Variants in LRRC4C observed in about 807,000 individuals in gnomAD.
LRRC4C encodes leucine-rich repeat-containing protein 4C.
In LRRC4C, 5 loss-of-function variants were observed where a neutral mutation model predicts 33.6. The ratio of observed to expected loss-of-function variants is 0.15; its 90% CI spans 0.08 to 0.31. LRRC4C has a LOEUF of 0.31. LRRC4C is among the 10% of genes least tolerant of loss of function. The pLI, the probability that LRRC4C is intolerant of heterozygous loss-of-function variation, is 1.00. For missense variants in LRRC4C, 560 were observed against 796.7 expected, an observed-to-expected ratio of 0.70 and a Z score of 3.58; for synonymous variants, 329 against 302.0, an observed-to-expected ratio of 1.09 and a Z score of -0.93.
chr11:40,290,271 G>A (rs1287985005), intron 4 of LRRC4C, among the ~76,000 whole-genome samples: 2 of 152,062 alleles, frequency 1.3e-5, no homozygotes, highest in African/African-American at 2.4e-5. Flanking sequence ...CTGTGGTAAC[G>A]TAAAACAAAG....
At chr11:40,547,056 C>T (rs1207024467) in intron 3 of LRRC4C, among the ~76,000 whole-genome samples, 4 of 152,110 alleles carry the variant, frequency 2.6e-5, no homozygotes, top group African/African-American at 4.8e-5. Flanking sequence ...CCAGCCTTAA[C>T]GTAGTGTTCT....
At chr11:40,990,821 A>G (rs1022257456) in intron 1 of LRRC4C, among the ~76,000 whole-genome samples, 1 of 152,180 alleles carries the variant, frequency 6.6e-6, no homozygotes, top group African/African-American at 2.4e-5. Context: ...CAATTTGATT[A>G]AAGTTTGACC....
intron 4 of LRRC4C, among the ~76,000 whole-genome samples, chr11:40,259,320 C>A (rs1810869822): frequency 6.6e-6 from 1 of 151,844 alleles, no homozygotes; most frequent in Admixed American, 6.6e-5. Context: ...AGCCCTTTGT[C>A]AGATGAGTAG....
intron 2 of LRRC4C, among the ~76,000 whole-genome samples, chr11:40,753,303 A>G (rs1565016736): frequency 6.6e-6 from 1 of 152,042 alleles, no homozygotes; most frequent in Non-Finnish European, 1.5e-5. Context: ...GAACACATCA[A>G]AATGATAAAT....
chr11:40,556,133 A>G (rs953619434), intron 3 of LRRC4C, among the ~76,000 whole-genome samples: 1 of 152,242 alleles, frequency 6.6e-6, no homozygotes, highest in East Asian at 1.9e-4. Flanking sequence ...AAAGAAAACA[A>G]TAAAACAGAG....
At chr11:40,915,081 G>A (rs1956886349) in intron 2 of LRRC4C, among the ~76,000 whole-genome samples, 1 of 152,092 alleles carries the variant, frequency 6.6e-6, no homozygotes, top group African/African-American at 2.4e-5. Context: ...CCATGCTCAT[G>A]GGTAGGAAGA....
At chr11:41,081,931 C>T (rs1227472730) in intron 1 of LRRC4C, among the ~76,000 whole-genome samples, 9 of 152,062 alleles carry the variant, frequency 5.9e-5, no homozygotes, top group Non-Finnish European at 7.4e-5. Flanking sequence ...GTATTTATAC[C>T]GTACAGTCGG....
At chr11:41,443,261 A>G (rs1433069521) in intron 1 of LRRC4C, among the ~76,000 whole-genome samples, 1 of 152,082 alleles carries the variant, frequency 6.6e-6, no homozygotes, top group African/African-American at 2.4e-5. Flanking sequence ...TAATCACAGC[A>G]GTTTGGCAGG....
At chr11:40,942,219 T>C (rs776693619) in intron 1 of LRRC4C, among the ~76,000 whole-genome samples, 1 of 152,110 alleles carries the variant, frequency 6.6e-6, no homozygotes, top group Non-Finnish European at 1.5e-5. Flanking sequence ...AGTGAGCTAC[T>C]AGCAGTCATT....
intron 2 of LRRC4C, among the ~76,000 whole-genome samples, chr11:40,857,989 G>GAAAGGA (rs1953877757): frequency 2.1e-5 from 2 of 96,848 alleles, no homozygotes; most frequent in Non-Finnish European, 4.6e-5. Flanking sequence ...AAGGGAAAGG[G>GAAAGGA]ACAGGGACAG....
At chr11:40,452,411 C>G (rs1590785047) in intron 3 of LRRC4C, among the ~76,000 whole-genome samples, 1 of 152,116 alleles carries the variant, frequency 6.6e-6, no homozygotes, top group Admixed American at 6.5e-5. Context: ...ATTTATGCAG[C>G]CAAAAGACAC....
intron 1 of LRRC4C, among the ~76,000 whole-genome samples, chr11:41,294,703 C>A (rs1761472966): frequency 6.6e-6 from 1 of 152,082 alleles, no homozygotes; most frequent in Admixed American, 6.6e-5. Flanking sequence ...TTTCAGAATG[C>A]AATACGATCC....
chr11:41,089,217 G>A (rs904394589), intron 1 of LRRC4C, among the ~76,000 whole-genome samples: 1 of 151,936 alleles, frequency 6.6e-6, no homozygotes, highest in Non-Finnish European at 1.5e-5. Context: ...AAATATGTGG[G>A]TTTGCATGTT....
At chr11:40,178,740 C>T (rs1023864623) in intron 5 of LRRC4C, among the ~76,000 whole-genome samples, 3 of 152,152 alleles carry the variant, frequency 2.0e-5, no homozygotes, top group Admixed American at 6.5e-5. Context: ...ACAGGCAGGC[C>T]GTATATTCCT....
At chr11:40,339,115 C>T (rs544758096) in intron 3 of LRRC4C, among the ~76,000 whole-genome samples, 105 of 152,248 alleles carry the variant, frequency 6.9e-4, no homozygotes, top group Non-Finnish European at 1.1e-3. Context: ...CTGGATTTCT[C>T]GCAGGAACAT....
chr11:40,776,889 TA>T (rs1382288176), intron 2 of LRRC4C, among the ~76,000 whole-genome samples: 9 of 152,178 alleles, frequency 5.9e-5, no homozygotes, highest in Non-Finnish European at 1.3e-4. Flanking sequence ...CTCTTAATAC[TA>T]CTTTTTTGCA....
chr11:41,208,190 A>G (rs1462815454), intron 1 of LRRC4C, among the ~76,000 whole-genome samples: 1 of 152,210 alleles, frequency 6.6e-6, no homozygotes, highest in Non-Finnish European at 1.5e-5. Context: ...ATCATGTGAT[A>G]AAGTGGCAAA....
chr11:40,204,797 C>T (rs1203901660), intron 5 of LRRC4C, among the ~76,000 whole-genome samples: 3 of 152,174 alleles, frequency 2.0e-5, no homozygotes, highest in South Asian at 2.1e-4. Flanking sequence ...CTTCCACTCC[C>T]TATTGCAATA....
At chr11:41,439,563 A>G (rs987152597) in intron 1 of LRRC4C, among the ~76,000 whole-genome samples, 2 of 152,170 alleles carry the variant, frequency 1.3e-5, no homozygotes, top group African/African-American at 4.8e-5. Context: ...AATAATAAGC[A>G]TTCTGACTAG....
Sources: allele counts gnomAD v4.1 joint callset (sites outside exome capture counted in the v4.1 genomes callset), GRCh38; gene constraint gnomAD v4.1.1; transcripts MANE v1.5; gene names NCBI Gene and HGNC (gene_info 2026-07-23, HGNC 2026-07-21).